The following TEX11 variants were observed in gnomAD, a reference collection of about 807,000 sequenced individuals.
The protein encoded by TEX11 is testis expressed 11.
A neutral mutation model predicts 84.4 loss-of-function variants in TEX11; 7 were observed. The ratio of observed to expected loss-of-function variants is 0.08; its 90% CI spans 0.05 to 0.16. The LOEUF (loss-of-function observed/expected upper bound fraction) is 0.16, where lower values mean the gene tolerates loss of function less well. TEX11 is among the 10% of genes least tolerant of loss of function. TEX11 has a pLI of 1.00. For synonymous variants in TEX11, 264 were observed against 222.8 expected, an observed-to-expected ratio of 1.18 and a Z score of -1.64; for missense variants, 551 against 660.5, an observed-to-expected ratio of 0.83 and a Z score of 1.82.
intron 8 of TEX11, among the ~76,000 whole-genome samples, chrX:70,809,993 G>A (rs1358376082): frequency 8.9e-6 from 1 of 112,135 alleles, no homozygotes; most frequent in African/African-American, 3.2e-5. Context: ...AATATGAACA[G>A]ACACTTCTCA....
chrX:70,732,706 C>T (rs1481582679), intron 11 of TEX11, among the ~76,000 whole-genome samples: 1 of 110,922 alleles, frequency 9.0e-6, no homozygotes, highest in East Asian at 2.8e-4. Context: ...GAATCAATAT[C>T]ATGAAAATGG....
At chrX:70,513,961 T>C in the TEX11 span, among the ~76,000 whole-genome samples, 1 of 109,165 alleles carries the variant, frequency 9.2e-6, no homozygotes, top group African/African-American at 3.4e-5. Context: ...AAAAGAGTCA[T>C]AAATAGAACT....
At chrX:70,706,792 A>C (rs4295810) in intron 13 of TEX11, among the ~76,000 whole-genome samples, 7,620 of 110,530 alleles carry the variant, frequency 0.069, 566 homozygotes, top group African/African-American at 0.21. Context: ...ACCTAGTTTC[A>C]GGCTCTTATT....
At chrX:70,651,339 T>C in intron 17 of TEX11, 111 bp downstream of exon 17, 3 of 455,238 alleles carry the variant, frequency 6.6e-6, no homozygotes, top group Non-Finnish European at 1.1e-5. Context: ...AGACAGAACA[T>C]ATATTCAATT....
At chrX:70,642,002 C>T (rs1355321385) in intron 17 of TEX11, among the ~76,000 whole-genome samples, 1 of 109,463 alleles carries the variant, frequency 9.1e-6, no homozygotes, top group Non-Finnish European at 1.9e-5. Context: ...AAAGGATCAA[C>T]AAAATTGATA....
chrX:70,724,762 T>G (rs1283572464), intron 12 of TEX11, among the ~76,000 whole-genome samples: 1 of 111,589 alleles, frequency 9.0e-6, no homozygotes, highest in Non-Finnish European at 1.9e-5. Flanking sequence ...CATGATGAGG[T>G]AGATAATAAT....
chrX:70,671,910 T>TATATATATATATATATATATACACAC (rs57166359), intron 15 of TEX11, among the ~76,000 whole-genome samples: 1 of 67,983 alleles, frequency 1.5e-5, no homozygotes, highest in Non-Finnish European at 2.8e-5. Context: ...TATATATATA[T>TATATATATATATATATATATACACAC]ACACACACAC....
At chrX:70,586,234 AG>A (rs2088851438) in intron 25 of TEX11, among the ~76,000 whole-genome samples, 1 of 112,629 alleles carries the variant, frequency 8.9e-6, no homozygotes, top group African/African-American at 3.2e-5. Flanking sequence ...AAGAATTTAT[AG>A]GAATAAATCT....
chrX:70,776,617 G>T (rs2147781790), intron 9 of TEX11, among the ~76,000 whole-genome samples: 1 of 110,242 alleles, frequency 9.1e-6, no homozygotes, highest in South Asian at 3.9e-4. Flanking sequence ...CAATAACATG[G>T]ATGGAACTGG....
intron 13 of TEX11, among the ~76,000 whole-genome samples, chrX:70,697,028 G>T (rs2090286588): frequency 9.0e-6 from 1 of 111,507 alleles, no homozygotes; most frequent in Admixed American, 9.5e-5. Flanking sequence ...GCTGGGATTT[G>T]TGTCAGCTCC....
At chrX:70,819,074 T>C (rs997964488) in intron 8 of TEX11, among the ~76,000 whole-genome samples, 1 of 111,964 alleles carries the variant, frequency 8.9e-6, no homozygotes, top group African/African-American at 3.2e-5. Context: ...GAAGAGGGAA[T>C]ATTTCCAAAT....
At chrX:70,720,277 C>T (rs976592155) in intron 13 of TEX11, among the ~76,000 whole-genome samples, 47 of 110,956 alleles carry the variant, frequency 4.2e-4, no homozygotes, top group Non-Finnish European at 6.8e-4. Context: ...GGACAAAAAA[C>T]CAAACACTGC....
chrX:70,881,362 A>G (rs1192136375), intron 2 of TEX11, among the ~76,000 whole-genome samples: 1 of 110,169 alleles, frequency 9.1e-6, no homozygotes, highest in Non-Finnish European at 1.9e-5. Context: ...AACAATAAGC[A>G]TGATGTAGAA....
Position 70,730,146 on chromosome X carries a change from C to A in TEX11, c.844-4803G>T, listed in dbSNP as rs182535939. On this transcript the variant is annotated intron_variant, in intron 11 of 29. Coordinates refer to ENST00000374333, the MANE Select transcript of TEX11 (RefSeq NM_031276.3). ...CACCACCAGGCCTGCCCTAAAAGAG[C>A]TCCTGAAAGAAGCACTAAACATGGA... Among the ~76,000 whole-genome samples the A allele has an allele frequency of 1.2e-3, 136 of 111,883 alleles. 1 individual carries two copies. Among genetic ancestry groups the A allele is most frequent in the African/African-American group, 4.2e-3 (130 of 30,832 alleles).
chrX:70,709,514 A>C (rs1262035166), intron 13 of TEX11, among the ~76,000 whole-genome samples: 5 of 111,542 alleles, frequency 4.5e-5, no homozygotes, highest in Non-Finnish European at 7.6e-5. Context: ...ATAATTGTAA[A>C]ATTCTGCTAC....
At chrX:70,671,910 T>TATATATATATAC (rs57166359) in intron 15 of TEX11, among the ~76,000 whole-genome samples, 134 of 67,923 alleles carry the variant, frequency 2.0e-3, no homozygotes, top group South Asian at 3.0e-3. Flanking sequence ...TATATATATA[T>TATATATATATAC]ACACACACAC....
At chrX:70,717,893 A>G (rs2090521355) in intron 13 of TEX11, among the ~76,000 whole-genome samples, 1 of 112,325 alleles carries the variant, frequency 8.9e-6, no homozygotes, top group Non-Finnish European at 1.9e-5. Context: ...TAGTATGAAC[A>G]GGTAGGAAAA....
At chrX:70,752,952 G>C (rs994209095) in intron 9 of TEX11, among the ~76,000 whole-genome samples, 1 of 110,281 alleles carries the variant, frequency 9.1e-6, no homozygotes, top group African/African-American at 3.3e-5. Context: ...CTCCATTATA[G>C]CAGAAAGAAA....
chrX:70,700,523 C>T (rs1475278942), intron 13 of TEX11, among the ~76,000 whole-genome samples: 1 of 111,465 alleles, frequency 9.0e-6, no homozygotes, highest in Non-Finnish European at 1.9e-5. Context: ...GTTCTAACTG[C>T]TTCATTGACT....
Sources: allele counts gnomAD v4.1 joint callset (sites outside exome capture counted in the v4.1 genomes callset), GRCh38; gene constraint gnomAD v4.1.1; transcripts MANE v1.5; gene names NCBI Gene and HGNC (gene_info 2026-07-23, HGNC 2026-07-21).